The following CNTNAP2 variants were observed in gnomAD, a reference collection of about 807,000 sequenced individuals.
The protein encoded by CNTNAP2 is contactin associated protein 2.
Under a neutral mutation model 155.2 loss-of-function variants are expected in CNTNAP2, and 98 were observed. The observed-to-expected ratio is 0.63, with a 90% CI of 0.54 to 0.75. The LOEUF is 0.75. Ranked by LOEUF, CNTNAP2 falls within the 30% of genes least tolerant of loss-of-function variation. The pLI is 0.00. For missense variants in CNTNAP2, 1,727 were observed against 1,688.1 expected (o/e 1.02, Z -0.40); for synonymous variants, 651 against 631.2 (o/e 1.03, Z -0.47).
intron 13 of CNTNAP2, among the ~76,000 whole-genome samples, chr7:147,741,229 T>C (rs1295045281): frequency 2.0e-5 from 3 of 152,232 alleles, no homozygotes; most frequent in African/African-American, 7.2e-5. Context: ...AGATGGACCT[T>C]GAGCTATTCT....
At chr7:146,336,827 G>A (rs1801285458) in intron 1 of CNTNAP2, among the ~76,000 whole-genome samples, 1 of 152,194 alleles carries the variant, frequency 6.6e-6, no homozygotes, top group Admixed American at 6.5e-5. Context: ...GATCTCAAGG[G>A]CAGTATGCTG....
At chr7:147,836,473 C>T (rs1798636889) in intron 13 of CNTNAP2, among the ~76,000 whole-genome samples, 1 of 152,094 alleles carries the variant, frequency 6.6e-6, no homozygotes, top group Admixed American at 6.6e-5. Flanking sequence ...TGCACCACCT[C>T]CCCAGTCAAC....
rs117539964 is a variant in CNTNAP2, at chr7:147,196,302, A to T, written c.1348+63793A>T. On this transcript the variant is annotated intron_variant, in intron 8 of 23. Transcript: ENST00000361727. ...TTTTCATTGATGGCTACCATTTTAGATCAGAATGACAACTATATGCTGGAC... is the reference window on the plus strand; with the variant it reads ...TTTTCATTGATGGCTACCATTTTAGTTCAGAATGACAACTATATGCTGGAC... Among the ~76,000 whole-genome samples, 106 of 152,332 alleles carry T rather than the reference A, an allele frequency of 7.0e-4. 2 individuals are homozygous for T. The East Asian group carries it at 0.018, about 26-fold the overall frequency.
chr7:148,397,302 G>A (rs999051031), intron 22 of CNTNAP2, among the ~76,000 whole-genome samples: 3 of 152,222 alleles, frequency 2.0e-5, no homozygotes, highest in African/African-American at 4.8e-5. Flanking sequence ...GATTCCTGGT[G>A]TGCATCAGGA....
intron 13 of CNTNAP2, among the ~76,000 whole-genome samples, chr7:147,662,185 G>A (rs55671052): frequency 0.05 from 7,604 of 152,206 alleles, 626 homozygotes; most frequent in African/African-American, 0.17. Context: ...TAATGTAGAT[G>A]CAACATTACA....
intron 11 of CNTNAP2, among the ~76,000 whole-genome samples, chr7:147,488,355 C>T (rs1455551045): frequency 6.6e-6 from 1 of 152,160 alleles, no homozygotes; most frequent in Admixed American, 6.5e-5. Flanking sequence ...AATCATTTGA[C>T]TTTTCTTGCA....
At chr7:147,862,328 C>T (rs1009503048) in intron 13 of CNTNAP2, among the ~76,000 whole-genome samples, 7 of 152,130 alleles carry the variant, frequency 4.6e-5, no homozygotes, top group South Asian at 2.1e-4. Flanking sequence ...ACCATTCCCC[C>T]GTACTCCTCC....
intron 11 of CNTNAP2, among the ~76,000 whole-genome samples, chr7:147,522,795 A>G (rs901113977): frequency 3.3e-5 from 5 of 151,850 alleles, no homozygotes; most frequent in African/African-American, 1.2e-4. Flanking sequence ...AACAAAAAAA[A>G]AAAAACCTAC....
chr7:147,805,803 A>C (rs181826300), intron 13 of CNTNAP2, among the ~76,000 whole-genome samples: 3 of 152,270 alleles, frequency 2.0e-5, no homozygotes, highest in Admixed American at 2.0e-4. Context: ...TGATCTTTTT[A>C]ATGTGTTGTT....
In CNTNAP2 at chr7:148,317,971, G is replaced by A. The variant is rs551963798; in HGVS notation, c.3475+50845G>A. On this transcript the variant is annotated intron_variant, in intron 21 of 23. Transcript: ENST00000361727. ...GCTGGGATTACAGGCGTGAGCCTCCGTGCCCGGCCCTGCCCTGAGCTCATT... is the reference window on the plus strand; with the variant it reads ...GCTGGGATTACAGGCGTGAGCCTCCATGCCCGGCCCTGCCCTGAGCTCATT... Among the ~76,000 whole-genome samples, 13 of 152,014 alleles carry A rather than the reference G, an allele frequency of 8.6e-5. No homozygotes were observed. In the South Asian group the frequency reaches 2.3e-3, roughly 27 times the overall value.
intron 12 of CNTNAP2, among the ~76,000 whole-genome samples, chr7:147,620,442 G>A (rs1327895422): frequency 6.6e-6 from 1 of 151,094 alleles, no homozygotes; most frequent in Non-Finnish European, 1.5e-5. Context: ...AAGCGGAGAA[G>A]GTATTCAGAA....
chr7:148,147,065 C>T (rs1284113454), intron 16 of CNTNAP2, among the ~76,000 whole-genome samples: 2 of 152,154 alleles, frequency 1.3e-5, no homozygotes, highest in East Asian at 3.9e-4. Context: ...CAAGGAGCTA[C>T]TTACTGAAAA....
intron 15 of CNTNAP2, among the ~76,000 whole-genome samples, chr7:147,997,634 T>C (rs1287597014): frequency 6.6e-6 from 1 of 151,766 alleles, no homozygotes; most frequent in African/African-American, 2.4e-5. Context: ...AGAAAAAGAA[T>C]ACTTTGAAAG....
chr7:148,100,291 G>C (rs1804069508), intron 15 of CNTNAP2, among the ~76,000 whole-genome samples: 1 of 152,132 alleles, frequency 6.6e-6, no homozygotes, highest in Admixed American at 6.5e-5. Flanking sequence ...GAAACACCTA[G>C]GTCCTTCCCA....
intron 4 of CNTNAP2, among the ~76,000 whole-genome samples, chr7:147,086,944 A>C (rs1373538398): frequency 6.6e-6 from 1 of 152,190 alleles, no homozygotes; most frequent in Non-Finnish European, 1.5e-5. Flanking sequence ...ACTCCCTGAT[A>C]CTTAGAAAAG....
At chr7:146,976,235 G>A (rs544907022) in intron 3 of CNTNAP2, among the ~76,000 whole-genome samples, 10 of 152,284 alleles carry the variant, frequency 6.6e-5, no homozygotes, top group African/African-American at 2.2e-4. Context: ...CTGTGTGTGG[G>A]ACTTTCTCTC....
At chr7:146,372,005 G>T (rs1268332870) in intron 1 of CNTNAP2, among the ~76,000 whole-genome samples, 1 of 151,290 alleles carries the variant, frequency 6.6e-6, no homozygotes, top group Non-Finnish European at 1.5e-5. Flanking sequence ...TTAAAAATAT[G>T]TTATCGTTTT....
intron 9 of CNTNAP2, among the ~76,000 whole-genome samples, chr7:147,372,877 A>T (rs1796370263): frequency 6.6e-6 from 1 of 152,012 alleles, no homozygotes; most frequent in Admixed American, 6.6e-5. Context: ...ATCCTGGCAA[A>T]GCTCCCTGTC....
chr7:147,637,771 T>C (rs952031942), intron 12 of CNTNAP2, among the ~76,000 whole-genome samples: 2 of 152,164 alleles, frequency 1.3e-5, no homozygotes, highest in Non-Finnish European at 2.9e-5. Context: ...GTAACATTGA[T>C]TGTGTATTTT....
Sources: allele counts gnomAD v4.1 joint callset (sites outside exome capture counted in the v4.1 genomes callset), GRCh38; gene constraint gnomAD v4.1.1; transcripts MANE v1.5; gene names NCBI Gene and HGNC (gene_info 2026-07-23, HGNC 2026-07-21).